SIDT1: variants seen among roughly 807,000 people sequenced by gnomAD.
The protein encoded by SIDT1 is SID1 transmembrane family member 1.
Under a neutral mutation model 107.5 loss-of-function variants are expected in SIDT1, and 101 were observed. The observed-to-expected ratio is 0.94, with a 90% CI of 0.80 to 1.11. The LOEUF is 1.11. Ranked by LOEUF, SIDT1 falls within the 50% of genes least tolerant of loss-of-function variation. The probability of loss-of-function intolerance (pLI) is 0.00; values close to 1 mark genes in which losing one functional copy is unlikely to be tolerated. For missense variants in SIDT1, 1,076 were observed against 1,058.2 expected, an observed-to-expected ratio of 1.02 and a Z score of -0.23; for synonymous variants, 395 against 398.2, an observed-to-expected ratio of 0.99 and a Z score of 0.10.
At chr3:113,609,881 G>C (rs181259180) in intron 17 of SIDT1, among the ~76,000 whole-genome samples, 143 of 152,238 alleles carry the variant, frequency 9.4e-4, no homozygotes, top group African/African-American at 3.3e-3. Context: ...GTCCTGTTTT[G>C]ACGCACTTTC....
intron 1 of SIDT1, among the ~76,000 whole-genome samples, chr3:113,543,566 T>C (rs1939199095): frequency 6.6e-6 from 1 of 152,126 alleles, no homozygotes; most frequent in Non-Finnish European, 1.5e-5. Flanking sequence ...CTCGTCAACT[T>C]GGGGGTTTTT....
At chr3:113,540,067 G>C (rs1457760688) in intron 1 of SIDT1, among the ~76,000 whole-genome samples, 1 of 152,036 alleles carries the variant, frequency 6.6e-6, no homozygotes, top group East Asian at 1.9e-4. Context: ...TGGCCACTTG[G>C]AGAAAGCCAT....
chr3:113,542,811 C>T (rs1224809355), intron 1 of SIDT1, among the ~76,000 whole-genome samples: 1 of 152,046 alleles, frequency 6.6e-6, no homozygotes, highest in African/African-American at 2.4e-5. Context: ...CCCCTATATT[C>T]TCCATCCTTC....
At chr3:113,624,322 C>T (rs1946692012) in intron 23 of SIDT1, among the ~76,000 whole-genome samples, 2 of 152,214 alleles carry the variant, frequency 1.3e-5, no homozygotes, top group East Asian at 1.9e-4. Context: ...TGTATATTTG[C>T]TTATTCTGGA....
chr3:113,565,439 C>T (rs939589742), intron 1 of SIDT1, among the ~76,000 whole-genome samples: 5 of 151,966 alleles, frequency 3.3e-5, no homozygotes, highest in East Asian at 1.9e-4. Flanking sequence ...GGCTGAGGCA[C>T]GAGGATTCCT....
intron 19 of SIDT1, among the ~76,000 whole-genome samples, chr3:113,614,034 A>G (rs1945934393): frequency 6.6e-6 from 1 of 152,224 alleles, no homozygotes; most frequent in African/African-American, 2.4e-5. Context: ...GGTTAGCAGC[A>G]GTGAAGCTTT....
At chr3:113,618,131 T>C (rs1035014405) in intron 20 of SIDT1, among the ~76,000 whole-genome samples, 10 of 152,238 alleles carry the variant, frequency 6.6e-5, no homozygotes, top group Admixed American at 6.5e-4. Flanking sequence ...TTTTTTCTAT[T>C]GGCAGAGTTT....
intron 17 of SIDT1, among the ~76,000 whole-genome samples, chr3:113,610,101 G>C (rs546423731): frequency 6.6e-6 from 1 of 152,126 alleles, no homozygotes; most frequent in African/African-American, 2.4e-5. Flanking sequence ...CATTTTTAAG[G>C]GTTGTCATAT....
intron 1 of SIDT1, among the ~76,000 whole-genome samples, chr3:113,549,449 T>C (rs1459524497): frequency 6.6e-6 from 1 of 152,224 alleles, no homozygotes; most frequent in Non-Finnish European, 1.5e-5. Context: ...CTTTTAGCCA[T>C]TCTAATAAGT....
downstream of SIDT1, among the ~76,000 whole-genome samples, chr3:113,630,522 G>C (rs1464127618): frequency 6.6e-6 from 1 of 152,168 alleles, no homozygotes; most frequent in Non-Finnish European, 1.5e-5. Context: ...AGAAGGTTCT[G>C]TGGGGTCACA....
intron 1 of SIDT1, among the ~76,000 whole-genome samples, chr3:113,554,578 C>T (rs1940637272): frequency 6.6e-6 from 1 of 152,184 alleles, no homozygotes; most frequent in Admixed American, 6.5e-5. Context: ...CCTTTGCCTT[C>T]TGCCATGATT....
intron 15 of SIDT1, among the ~76,000 whole-genome samples, chr3:113,607,708 G>T (rs1421027006): frequency 2.6e-5 from 4 of 152,224 alleles, no homozygotes; most frequent in Non-Finnish European, 5.9e-5. Context: ...CACAATTAGA[G>T]AGCTGAACAT....
chr3:113,589,133 CA>C (rs1326446829), intron 9 of SIDT1, among the ~76,000 whole-genome samples: 1 of 152,090 alleles, frequency 6.6e-6, no homozygotes, highest in Non-Finnish European at 1.5e-5. Context: ...TTCAATTGGC[CA>C]AAATAAGTCA....
At chr3:113,633,834 A>G (rs1218017902), downstream of SIDT1, among the ~76,000 whole-genome samples, 1 of 152,184 alleles carries the variant, frequency 6.6e-6, no homozygotes, top group Non-Finnish European at 1.5e-5. Flanking sequence ...GTTTTCAAGT[A>G]AACTGAAAGC....
rs116926803 is a variant in SIDT1, at chr3:113,546,114, C to T, written c.222+12871C>T. On this transcript the variant is annotated intron_variant, in intron 1 of 24. Transcript: ENST00000264852. ...AGTACCAGGAGACACGTGTTTTTAT[C>T]CCTTTACCTGAGGACCTTCAGCAAA... Among the ~76,000 whole-genome samples the T allele has an allele frequency of 8.4e-3, 1,282 of 152,248 alleles. 16 individuals carry two copies. The highest frequency in any genetic ancestry group is 0.064 in the East Asian group (333 of 5,184).
At chr3:113,583,622 G>A (rs968369938) in intron 7 of SIDT1, 126 bp downstream of exon 7, 8 of 553,836 alleles carry the variant, frequency 1.4e-5, no homozygotes, top group Admixed American at 9.0e-5. Flanking sequence ...GATGGGAAAG[G>A]CATCTGAGAG....
At chr3:113,572,921 G>A (rs936951369) in intron 3 of SIDT1, among the ~76,000 whole-genome samples, 11 of 152,016 alleles carry the variant, frequency 7.2e-5, no homozygotes, top group African/African-American at 2.7e-4. Flanking sequence ...GAGAATTTTA[G>A]ACCATTTTGC....
intron 1 of SIDT1, among the ~76,000 whole-genome samples, chr3:113,563,265 G>T (rs542520641): frequency 6.6e-6 from 1 of 152,204 alleles, no homozygotes; most frequent in East Asian, 1.9e-4. Context: ...TAACTGGAGA[G>T]CCAAATGAAG....
At chr3:113,608,031 A>ATGTATT in intron 15 of SIDT1, 63 bp from the exon 16 acceptor site, 2 of 1,463,450 alleles carry the variant, frequency 1.4e-6, no homozygotes, top group Non-Finnish European at 1.8e-6. Context: ...TTCATGCATC[A>ATGTATT]TGTATTCTCT....
Sources: gnomAD v4.1 joint callset for allele counts (sites outside exome capture counted in the v4.1 genomes callset) on GRCh38, gnomAD v4.1.1 for gene constraint, MANE v1.5 for transcripts, NCBI Gene and HGNC (gene_info 2026-07-23, HGNC 2026-07-21) for gene names.